Variants in GPBP1L1 observed in about 807,000 individuals in gnomAD.
GPBP1L1 encodes the protein GC-rich promoter binding protein 1 like 1.
In GPBP1L1, 23 loss-of-function variants were observed where a neutral mutation model predicts 52.5. The observed-to-expected ratio is 0.44, with a 90% CI of 0.32 to 0.62. GPBP1L1 has a LOEUF of 0.62. GPBP1L1 is among the 20% of genes least tolerant of loss of function. The pLI is 0.06. For synonymous variants in GPBP1L1, 243 were observed against 203.1 expected (o/e 1.20, Z -1.67); for missense variants, 596 against 579.3 (o/e 1.03, Z -0.30).
intron 11 of GPBP1L1, among the ~76,000 whole-genome samples, chr1:45,630,071 C>CGGG (rs1644510691): frequency 6.6e-6 from 1 of 152,110 alleles, no homozygotes; most frequent in Admixed American, 6.5e-5. Flanking sequence ...CCGTCCCAGC[C>CGGG]TCCCTAGTAG....
intron 8 of GPBP1L1, among the ~76,000 whole-genome samples, chr1:45,637,623 T>C (rs1327249010): frequency 6.6e-6 from 1 of 150,750 alleles, no homozygotes; most frequent in Non-Finnish European, 1.5e-5. Flanking sequence ...TTTATCCTTG[T>C]AAAAATTTTT....
chr1:45,630,493 T>C lies in GPBP1L1; in HGVS notation c.1158A>G (p.Glu386=). ...EEGEVLSHSL[E]AEHRLLKAMG... Reference sequence around the variant, plus strand: ...TCCTCCTCACTTACCTGTGCTCTGCTTCTAGAGAGTGTGAGAGAACCTCCC... The same window carrying C: ...TCCTCCTCACTTACCTGTGCTCTGCCTCTAGAGAGTGTGAGAGAACCTCCC... Residue 386 remains glutamate, a synonymous_variant, in exon 11 of 13, where the codon GAA becomes GAG. Coordinates refer to ENST00000355105, the MANE Select transcript of GPBP1L1 (RefSeq NM_021639.5). The C allele has an allele frequency of 6.2e-7, 1 of 1,613,962 alleles. No individual in the cohort carries two copies. Among genetic ancestry groups the C allele is most frequent in the East Asian group, 2.2e-5 (1 of 44,884 alleles).
intron 11 of GPBP1L1, among the ~76,000 whole-genome samples, chr1:45,630,118 T>A (rs1644511428): frequency 6.6e-6 from 1 of 152,180 alleles, no homozygotes; most frequent in Non-Finnish European, 1.5e-5. Flanking sequence ...GCCCAGCTAC[T>A]TTTTGTATTT....
chr1:45,644,300 T>TACCCA (rs1028061624), intron 6 of GPBP1L1, among the ~76,000 whole-genome samples: 5 of 152,368 alleles, frequency 3.3e-5, no homozygotes, highest in African/African-American at 1.2e-4. Context: ...AGGCATGTTG[T>TACCCA]ACCCAGGGTT....
chr1:45,643,312 A>C lies in GPBP1L1; in HGVS notation c.478-813T>G, dbSNP rs1644697244. 2.0e-5 allele frequency among the ~76,000 whole-genome samples: 3 copies of C among 152,192 alleles called. 1 individual carries two copies. The highest frequency in any genetic ancestry group is 2.0e-4 in the Admixed American group (3 of 15,278). On this transcript the variant is annotated intron_variant, in intron 6 of 12. Coordinates refer to ENST00000355105, the MANE Select transcript of GPBP1L1 (RefSeq NM_021639.5). ...TGGGGAAAGAGGTATCTGGCAAAGCAGGCAAGAGCCAGCTTGTGGAGGATT... is the reference window on the plus strand; with the variant it reads ...TGGGGAAAGAGGTATCTGGCAAAGCCGGCAAGAGCCAGCTTGTGGAGGATT...
intron 6 of GPBP1L1, chr1:45,651,457 C>T: frequency 2.3e-6 from 1 of 428,794 alleles, no homozygotes. Context: ...ATCCCCTTTG[C>T]TGGCAGCTTT....
At position 45,628,090 on chromosome 1, in the gene GPBP1L1, A is replaced by G. The variant is rs1032008692; in HGVS notation, c.*166T>C. On this transcript the variant is annotated 3_prime_UTR_variant, in exon 13 of 13. Coordinates refer to ENST00000355105, the MANE Select transcript of GPBP1L1 (RefSeq NM_021639.5). ...ATAAAGCAGATAACAGGGAAGAACA[A>G]TAACAAAAGCAAAACAAGCCAATTG... 2.1e-5 allele frequency: 15 copies of G among 709,028 alleles called. No individual in the cohort carries two copies. Among genetic ancestry groups the G allele is most frequent in the African/African-American group, 2.1e-4 (12 of 56,800 alleles). 43.9% of individuals were successfully genotyped at this position (709,028 alleles called of 1,614,324 possible). A position where few individuals can be genotyped will look rare whatever the true frequency, so the allele number is the denominator to read the frequency against.
intron 2 of GPBP1L1, among the ~76,000 whole-genome samples, chr1:45,667,824 T>C (rs1197955471): frequency 6.6e-6 from 1 of 152,178 alleles, no homozygotes; most frequent in Non-Finnish European, 1.5e-5. Context: ...CTTGGCTCAC[T>C]GCAACCCCCA....
Position 45,660,345 on chromosome 1 carries a change from C to T in GPBP1L1, c.-217G>A. 1 of 985,240 alleles carries T rather than the reference C, an allele frequency of 1.0e-6. No individual in the cohort carries two copies. Among genetic ancestry groups the T allele is most frequent in the Non-Finnish European group, 1.2e-6 (1 of 829,910 alleles). The allele number at this position is 985,240 out of a possible 1,614,324, so 61.0% of individuals were successfully genotyped here. ...GTTCTGTGTCGATCACTCTCTCAGT[C>T]CCCTCAACTGCTCATCTTAAACTAT... On this transcript the variant is annotated 5_prime_UTR_variant, in exon 3 of 13. Coordinates refer to ENST00000355105, the MANE Select transcript of GPBP1L1 (RefSeq NM_021639.5).
intron 8 of GPBP1L1, among the ~76,000 whole-genome samples, chr1:45,636,340 T>C (rs1008061450): frequency 6.6e-6 from 1 of 152,220 alleles, no homozygotes; most frequent in African/African-American, 2.4e-5. Flanking sequence ...CTGTAGTCTG[T>C]TGAACTAGGT....
At chr1:45,658,978 C>T (rs1204855231) in intron 4 of GPBP1L1, 50 bp downstream of exon 4, 1 of 1,308,204 alleles carries the variant, frequency 7.6e-7, no homozygotes, top group African/African-American at 1.4e-5. Context: ...CAAAACCACC[C>T]CCAAACCCTC....
At chr1:45,651,277 G>C (rs1049813114) in intron 6 of GPBP1L1, 3 of 400,800 alleles carry the variant, frequency 7.5e-6, no homozygotes, top group African/African-American at 6.2e-5. Flanking sequence ...ACTTCCCCTT[G>C]ATAATGCAGT....
At chr1:45,633,374 A>G in intron 10 of GPBP1L1, 115 bp downstream of exon 10, 1 of 1,066,918 alleles carries the variant, frequency 9.4e-7, no homozygotes, top group Admixed American at 2.1e-5. Context: ...ACCTACAGAC[A>G]GTATCTCTGT....
intron 2 of GPBP1L1, among the ~76,000 whole-genome samples, chr1:45,673,610 C>G (rs1361334300): frequency 2.6e-5 from 4 of 152,182 alleles, no homozygotes; most frequent in Non-Finnish European, 5.9e-5. Context: ...GCCTGTAATC[C>G]CAGCACTTTG....
intron 12 of GPBP1L1, 48 bp downstream of exon 12, chr1:45,629,528 A>C: frequency 1.0e-6 from 1 of 963,362 alleles, no homozygotes. Flanking sequence ...TTGACTCCTT[A>C]TTCTCCTGGT....
intron 2 of GPBP1L1, among the ~76,000 whole-genome samples, chr1:45,662,703 G>T (rs1041346412): frequency 4.6e-5 from 7 of 152,084 alleles, no homozygotes; most frequent in Admixed American, 6.6e-5. Context: ...CAAGTTGAGC[G>T]ATGGGTACAA....
chr1:45,683,207 T>A (rs1276350845), intron 2 of GPBP1L1, among the ~76,000 whole-genome samples: 1 of 67,620 alleles, frequency 1.5e-5, no homozygotes, highest in Admixed American at 1.5e-4. Flanking sequence ...ATAGGCCTTT[T>A]TTTTTTTTTT....
intron 7 of GPBP1L1, among the ~76,000 whole-genome samples, 199 bp from the exon 8 acceptor site, chr1:45,640,602 G>C (rs540271429): frequency 6.6e-6 from 1 of 152,182 alleles, no homozygotes; most frequent in Non-Finnish European, 1.5e-5. Flanking sequence ...AGCATATGAG[G>C]AACTGGATAC....
chr1:45,640,395 G>C lies in GPBP1L1; in HGVS notation c.559C>G (p.Pro187Ala). The change falls in exon 8 of 13, where the codon CCT (proline) becomes GCT (alanine). Residue 187 changes from proline (P) to alanine (A), a missense_variant. By Grantham distance (27) the Pro-to-Ala change is conservative. Coordinates refer to ENST00000355105, the MANE Select transcript of GPBP1L1 (RefSeq NM_021639.5). The part of the protein sequence containing the change: ...GTPSGVWENP[P>A]SAKQPSKMLV... ...ATCTTGGAGGGTTGCTTGGCACTAG[G>C]CGGGTTTTCTGTGAAGTACAAGAGT... The C allele has an allele frequency of 6.2e-7, 1 of 1,613,470 alleles. No individual in the cohort carries two copies. Among genetic ancestry groups the C allele is most frequent in the Non-Finnish European group, 8.5e-7 (1 of 1,179,874 alleles).
Sources: allele counts gnomAD v4.1 joint callset (sites outside exome capture counted in the v4.1 genomes callset), GRCh38; gene constraint gnomAD v4.1.1; transcripts MANE v1.5; gene names NCBI Gene and HGNC (gene_info 2026-07-23, HGNC 2026-07-21).